The following SAFB2 variants were observed in gnomAD, a reference collection of about 807,000 sequenced individuals.
The protein encoded by SAFB2 is scaffold attachment factor B2.
In SAFB2, 32 loss-of-function variants were observed where a neutral mutation model predicts 100.6. The ratio of observed to expected loss-of-function variants is 0.32; its 90% CI spans 0.24 to 0.43. The LOEUF is 0.43. SAFB2 is among the 20% of genes least tolerant of loss of function. SAFB2 has a pLI of 1.00. For missense variants in SAFB2, 1,185 were observed against 1,163.4 expected (o/e 1.02, Z -0.27); for synonymous variants, 500 against 439.4 (o/e 1.14, Z -1.72).
chr19:5,591,889 C>A lies in SAFB2; in HGVS notation c.2349-96G>T, dbSNP rs1368238049. On this transcript the variant is annotated intron_variant, in intron 16 of 20. Coordinates refer to ENST00000252542, the MANE Select transcript of SAFB2 (RefSeq NM_014649.3). ...TCGCGACTGGGATACTTTTTCCATC[C>A]CATCACATAAAAACTATAACTGGCC... 5.9e-6 allele frequency: 7 copies of A among 1,181,962 alleles called. No individual in the cohort carries two copies. The East Asian group carries it at 1.7e-4, about 29-fold the overall frequency. The allele number at this position is 1,181,962 out of a possible 1,614,324, so 73.2% of individuals were successfully genotyped here. A position where few individuals can be genotyped will look rare whatever the true frequency, so the allele number is the denominator to read the frequency against.
At chr19:5,602,499 A>AT (rs1568217272) in intron 11 of SAFB2, among the ~76,000 whole-genome samples, 9 of 151,106 alleles carry the variant, frequency 6.0e-5, no homozygotes, top group African/African-American at 1.9e-4. Flanking sequence ...AAAAAAAAAA[A>AT]AAAAAAATCT....
At chr19:5,591,570 G>A (rs984441842) in intron 17 of SAFB2, 178 bp downstream of exon 17, 2 of 590,072 alleles carry the variant, frequency 3.4e-6, no homozygotes, top group Non-Finnish European at 6.0e-6. Flanking sequence ...GAGCCACCAC[G>A]TCCGACTAAA....
chr19:5,607,677 C>G (rs806705), intron 9 of SAFB2, among the ~76,000 whole-genome samples: 2 of 152,230 alleles, frequency 1.3e-5, no homozygotes, highest in African/African-American at 4.8e-5. Flanking sequence ...CCCACCACCA[C>G]TGGCGCGCAG....
chr19:5,604,442 A>C, intron 11 of SAFB2, 141 bp downstream of exon 11: 1 of 622,558 alleles, frequency 1.6e-6, no homozygotes, highest in East Asian at 2.8e-5. Context: ...CAGAACACAA[A>C]AATCAGCTGA....
intron 2 of SAFB2, among the ~76,000 whole-genome samples, chr19:5,618,521 CG>C (rs1672151868): frequency 6.6e-6 from 1 of 152,248 alleles, no homozygotes; most frequent in Non-Finnish European, 1.5e-5. Context: ...CGCCTAACAA[CG>C]CTAGCAGGTT....
At chr19:5,611,831 T>C (rs1159074455) in intron 6 of SAFB2, 2 of 698,170 alleles carry the variant, frequency 2.9e-6, no homozygotes, top group South Asian at 3.1e-5. Flanking sequence ...GCCTCTACGC[T>C]ACACGGAAGA....
chr19:5,609,849 G>C (rs1257201797), intron 9 of SAFB2, 146 bp downstream of exon 9: 1 of 676,780 alleles, frequency 1.5e-6, no homozygotes. Context: ...TGTTGCCCAG[G>C]CTGGTCTTGA....
chr19:5,615,642 C>T (rs1209274156), intron 4 of SAFB2, among the ~76,000 whole-genome samples: 1 of 152,134 alleles, frequency 6.6e-6, no homozygotes, highest in Admixed American at 6.5e-5. Flanking sequence ...GCTGAGGCTG[C>T]AGTGAATTAT....
intron 1 of SAFB2, 56 bp downstream of exon 1, chr19:5,622,474 C>T: frequency 6.8e-7 from 1 of 1,468,936 alleles, no homozygotes; most frequent in Non-Finnish European, 9.0e-7. Flanking sequence ...GTGACAGGTG[C>T]AGGCGGGGGC....
At position 5,591,755 on chromosome 19, in the gene SAFB2, TC is replaced by T; in HGVS notation, c.2386del (p.Asp796MetfsTer36). The T allele has an allele frequency of 6.2e-7, 1 of 1,613,606 alleles. No individual in the cohort carries two copies. Among genetic ancestry groups the T allele is most frequent in the Non-Finnish European group, 8.5e-7 (1 of 1,179,840 alleles). ...CATCGGGGCTCTACTCACCTGCCCA[TC>T]CCGGTGGTCTCCCATCATTGGCCTC... ...GSRPMMGDHR[D>X]GQHYGDDRHG... On this transcript the variant is annotated frameshift_variant, in exon 17 of 21. Transcript: ENST00000252542. LOFTEE classifies it high-confidence loss of function.
At chr19:5,620,187 A>G (rs1349010804) in intron 2 of SAFB2, among the ~76,000 whole-genome samples, 3 of 152,232 alleles carry the variant, frequency 2.0e-5, no homozygotes, top group African/African-American at 7.2e-5. Flanking sequence ...TATGCAACCT[A>G]ACTAAAAGAT....
intron 14 of SAFB2, among the ~76,000 whole-genome samples, chr19:5,594,424 C>T (rs1010766683): frequency 6.6e-6 from 1 of 152,188 alleles, no homozygotes. Context: ...ATGCTGTGAG[C>T]ACAGCTTTTG....
chr19:5,605,493 C>T (rs1320656050), intron 9 of SAFB2, among the ~76,000 whole-genome samples: 1 of 152,206 alleles, frequency 6.6e-6, no homozygotes, highest in African/African-American at 2.4e-5. Context: ...AACTTCATTA[C>T]TCACAACTAA....
chr19:5,622,757 C>G lies in SAFB2; in HGVS notation c.-42G>C. ...TCGCCACCGACTCAGTCGCACACCG[C>G]CGGCAGCTATAGCGGCTCTGAACAC... is the stretch of plus-strand genomic sequence containing the variant. On this transcript the variant is annotated 5_prime_UTR_variant, in exon 1 of 21. Coordinates refer to ENST00000252542, the MANE Select transcript of SAFB2 (RefSeq NM_014649.3). 2 of 1,563,878 alleles carry G rather than the reference C, an allele frequency of 1.3e-6. No individual in the cohort carries two copies. Among genetic ancestry groups the G allele is most frequent in the Non-Finnish European group, 1.7e-6 (2 of 1,159,784 alleles).
Position 5,604,699 on chromosome 19 carries a change from AAATAT to A in SAFB2, c.1447-9_1447-5del. 2 of 1,614,132 alleles carry A rather than the reference AAATAT, an allele frequency of 1.2e-6. No homozygotes were observed. The highest frequency in any genetic ancestry group is 1.7e-6 in the Non-Finnish European group (2 of 1,179,996). ...TCCCAGCAGGCTCATTTTTGGCCTA[AAATAT>A]AATAGACAGAAATGATGTGTGGCCC... On this transcript the variant is annotated splice_region_variant and splice_polypyrimidine_tract_variant and intron_variant, in intron 10 of 20. Transcript: ENST00000252542.
Position 5,591,762 on chromosome 19 carries a change from G to T in SAFB2, c.2380C>A (p.His794Asn). 1 of 1,613,902 alleles carries T rather than the reference G, an allele frequency of 6.2e-7. No homozygotes were observed. The highest frequency in any genetic ancestry group is 1.3e-5 in the African/African-American group (1 of 74,960). ...GCTCTACTCACCTGCCCATCCCGGT[G>T]GTCTCCCATCATTGGCCTCGAACCC... ...REGSRPMMGD[H>N]RDGQHYGDDR... is the part of the protein sequence containing the mutation. Residue 794 changes from histidine (H) to asparagine (N), a missense_variant, in exon 17 of 21, where the codon CAC becomes AAC. His to Asn is a moderately conservative substitution (Grantham distance 68, BLOSUM62 1). Around this residue, in one of 3 missense-constraint regions of SAFB2, gnomAD observed 740 missense variants for 687.1 expected, o/e 1.08. Coordinates refer to ENST00000252542, the MANE Select transcript of SAFB2 (RefSeq NM_014649.3).
At chr19:5,612,496 T>G in intron 6 of SAFB2, 44 bp downstream of exon 6, 3 of 1,569,232 alleles carry the variant, frequency 1.9e-6, no homozygotes, top group Non-Finnish European at 2.6e-6. Flanking sequence ...AATAATAGTG[T>G]GAAAACTTTC....
In SAFB2 at chr19:5,612,536, G is replaced by A; in HGVS notation, c.634+4C>T. The A allele has an allele frequency of 6.2e-7, 1 of 1,612,914 alleles. No individual in the cohort carries two copies. The highest frequency in any genetic ancestry group is 1.1e-5 in the South Asian group (1 of 91,060). On this transcript the variant is annotated splice_donor_region_variant and intron_variant, in intron 6 of 20. Transcript: ENST00000252542. ...CATAACTGTCGTGTTTCTCTTATCAGTACCTGGCTCCAAAAGGGATTCTTC... is the reference window on the plus strand; with the variant it reads ...CATAACTGTCGTGTTTCTCTTATCAATACCTGGCTCCAAAAGGGATTCTTC...
intron 6 of SAFB2, 170 bp from the exon 7 acceptor site, chr19:5,611,800 G>A (rs1285398320): frequency 1.3e-5 from 8 of 613,830 alleles, no homozygotes; most frequent in East Asian, 5.9e-5. Context: ...CACTACCTGC[G>A]CCGCGACCGC....
Sources: allele counts gnomAD v4.1 joint callset (sites outside exome capture counted in the v4.1 genomes callset), GRCh38; gene constraint gnomAD v4.1.1; regional missense constraint gnomAD v4.1.1; transcripts MANE v1.5; gene names NCBI Gene and HGNC (gene_info 2026-07-23, HGNC 2026-07-21).